SNX30: variants seen among roughly 807,000 people sequenced by gnomAD.
SNX30 encodes sorting nexin-30.
In SNX30, 24 loss-of-function variants were observed where a neutral mutation model predicts 46.4. The ratio of observed to expected loss-of-function variants is 0.52; its 90% CI spans 0.37 to 0.73. The LOEUF (loss-of-function observed/expected upper bound fraction) is 0.73, where lower values mean the gene tolerates loss of function less well. Among genes scored for constraint, SNX30 ranks in the 30% least tolerant of loss-of-function variants. The pLI is 0.00. For missense variants in SNX30, 533 were observed against 555.7 expected (o/e 0.96, Z 0.41); for synonymous variants, 189 against 211.5 (o/e 0.89, Z 0.92).
intron 1 of SNX30, among the ~76,000 whole-genome samples, chr9:112,788,365 C>T (rs572398267): frequency 1.3e-5 from 2 of 152,234 alleles, no homozygotes; most frequent in African/African-American, 4.8e-5. Context: ...GAGTGCACTC[C>T]GCGTGTGTAG....
In SNX30 at chr9:112,807,408, G is replaced by A. The variant is rs1157820861; in HGVS notation, c.348+2441G>A. On this transcript the variant is annotated intron_variant, in intron 2 of 8. Coordinates refer to ENST00000374232, the MANE Select transcript of SNX30 (RefSeq NM_001012994.2). ...GCAGCAGGTTCGCATGTAAAGATAT[G>A]TCTATGTAAGTACGTGTGCACATGC... 2.0e-5 allele frequency among the ~76,000 whole-genome samples: 3 copies of A among 152,202 alleles called. No individual in the cohort carries two copies. The South Asian group carries it at 6.2e-4, about 32-fold the overall frequency.
Position 112,795,540 on chromosome 9 carries a change from T to C in SNX30, c.157-9236T>C, listed in dbSNP as rs572729361. ...GCATAGGAGGGAAGAATCTGGAGTA[T>C]GTGGCAAGGTCTGATTGACTGACTC... On this transcript the variant is annotated intron_variant, in intron 1 of 8. Transcript: ENST00000374232. Among the ~76,000 whole-genome samples the C allele has an allele frequency of 4.6e-5, 7 of 152,210 alleles. No individual in the cohort carries two copies. The South Asian group carries it at 1.5e-3, about 32-fold the overall frequency.
At chr9:112,782,545 C>A (rs191662469) in intron 1 of SNX30, among the ~76,000 whole-genome samples, 76 of 152,250 alleles carry the variant, frequency 5.0e-4, no homozygotes, top group African/African-American at 1.7e-3. Flanking sequence ...ATTTTTTTAA[C>A]CTTTAAATGG....
In SNX30 at chr9:112,767,119, A is replaced by ATTTTC. The variant is rs776895151; in HGVS notation, c.156+15966_156+15967insCTTTT. On this transcript the variant is annotated intron_variant, in intron 1 of 8. Transcript: ENST00000374232. ...CTCCATGTCTTTGCCAACACTAATT[A>ATTTTC]TTTTATTTTTTTTTTTTGATAGTAG... Among the ~76,000 whole-genome samples the ATTTTC allele has an allele frequency of 5.1e-3, 146 of 28,830 alleles. 1 individual carries two copies. Among genetic ancestry groups the ATTTTC allele is most frequent in the African/African-American group, 0.013 (131 of 10,202 alleles). 18.9% of individuals were successfully genotyped at this position (28,830 alleles called of 152,430 possible).
Position 112,789,284 on chromosome 9 carries a change from G to A in SNX30, c.157-15492G>A, listed in dbSNP as rs770609139. On this transcript the variant is annotated intron_variant, in intron 1 of 8. Transcript: ENST00000374232. Reference sequence around the variant, plus strand: ...TAGTTATTGTTAGGAACAGGCTCTCGGAAATGCCTCTCGCCCTTGATTTTT... The same window carrying A: ...TAGTTATTGTTAGGAACAGGCTCTCAGAAATGCCTCTCGCCCTTGATTTTT... 3.9e-5 allele frequency among the ~76,000 whole-genome samples: 6 copies of A among 152,238 alleles called. 1 individual carries two copies. The South Asian group carries it at 6.2e-4, about 16-fold the overall frequency.
intron 1 of SNX30, among the ~76,000 whole-genome samples, chr9:112,771,959 T>C (rs1247555592): frequency 2.0e-5 from 3 of 152,164 alleles, no homozygotes; most frequent in Non-Finnish European, 2.9e-5. Flanking sequence ...CTTGAGACAT[T>C]CTTTTTTTTC....
chr9:112,822,453 G>GT, intron 3 of SNX30, among the ~76,000 whole-genome samples: 1 of 150,706 alleles, frequency 6.6e-6, no homozygotes, highest in Non-Finnish European at 1.5e-5. Flanking sequence ...AGGCTTGTAT[G>GT]TACCCCTGAT....
rs200328275 is a variant in SNX30, at chr9:112,830,910, C to T, written c.618+27C>T. The T allele has an allele frequency of 1.6e-5, 25 of 1,585,922 alleles. No homozygotes were observed. The African/African-American group carries it at 2.5e-4, about 16-fold the overall frequency. On this transcript the variant is annotated intron_variant, in intron 4 of 8. Coordinates refer to ENST00000374232, the MANE Select transcript of SNX30 (RefSeq NM_001012994.2). ...TAAGGGCAGAAATTTACATCCTCTT[C>T]GTCCATATTACCATTCTTGGGGCTC... is the stretch of plus-strand genomic sequence containing the variant.
At chr9:112,834,874 AC>A in intron 4 of SNX30, among the ~76,000 whole-genome samples, 1 of 82,188 alleles carries the variant, frequency 1.2e-5, no homozygotes, top group East Asian at 5.5e-4. Context: ...ACACACACAC[AC>A]ACACACACCT....
At chr9:112,804,160 G>C (rs1332335383) in intron 1 of SNX30, among the ~76,000 whole-genome samples, 2 of 149,126 alleles carry the variant, frequency 1.3e-5, no homozygotes, top group East Asian at 4.0e-4. Context: ...TGGCTCCTCC[G>C]CAGAGGTTTG....
downstream of SNX30, among the ~76,000 whole-genome samples, chr9:112,882,690 G>T (rs1338674081): frequency 1.3e-5 from 2 of 152,014 alleles, no homozygotes; most frequent in African/African-American, 2.4e-5. Flanking sequence ...GATTGGAGGT[G>T]GGGGGAGATG....
intron 1 of SNX30, among the ~76,000 whole-genome samples, chr9:112,777,469 C>T (rs1657580762): frequency 6.6e-6 from 1 of 151,942 alleles, no homozygotes. Context: ...CTCTGTTGCT[C>T]AGGCTGGAGT....
chr9:112,864,420 G>T (rs748915299), intron 8 of SNX30, 21 bp downstream of exon 8: 2 of 1,613,810 alleles, frequency 1.2e-6, no homozygotes, highest in South Asian at 2.2e-5. Flanking sequence ...TGCCCAACAA[G>T]ACTGGTTTCT....
At chr9:112,769,262 A>G (rs1037728816) in intron 1 of SNX30, among the ~76,000 whole-genome samples, 6 of 152,220 alleles carry the variant, frequency 3.9e-5, no homozygotes, top group African/African-American at 1.2e-4. Flanking sequence ...ACATCATTCA[A>G]GACCTCTACA....
intron 3 of SNX30, among the ~76,000 whole-genome samples, chr9:112,828,560 A>C (rs1840612439): frequency 6.6e-6 from 1 of 152,178 alleles, no homozygotes; most frequent in Non-Finnish European, 1.5e-5. Flanking sequence ...TTTAAAACTG[A>C]AACTTAGAGG....
At chr9:112,836,740 A>G (rs555198977) in intron 5 of SNX30, among the ~76,000 whole-genome samples, 7 of 152,348 alleles carry the variant, frequency 4.6e-5, no homozygotes, top group African/African-American at 1.4e-4. Context: ...ATAGGGAACA[A>G]TAATTTAGTA....
chr9:112,865,669 A>ATATATATG (rs1841323873), intron 8 of SNX30, among the ~76,000 whole-genome samples: 1 of 114,664 alleles, frequency 8.7e-6, no homozygotes, highest in Non-Finnish European at 1.8e-5. Flanking sequence ...ATATGTATGT[A>ATATATATG]TGTATGCACA....
chr9:112,788,404 T>A (rs997164756), intron 1 of SNX30, among the ~76,000 whole-genome samples: 1 of 152,140 alleles, frequency 6.6e-6, no homozygotes, highest in African/African-American at 2.4e-5. Flanking sequence ...CACAGAAACA[T>A]GTCAATGAGA....
intron 1 of SNX30, among the ~76,000 whole-genome samples, chr9:112,781,846 T>G (rs1420560408): frequency 2.0e-5 from 3 of 151,808 alleles, no homozygotes; most frequent in African/African-American, 7.3e-5. Context: ...TTTGCCATGT[T>G]GGTCAGGCTG....
Sources: gnomAD v4.1 joint callset for allele counts (sites outside exome capture counted in the v4.1 genomes callset) on GRCh38, gnomAD v4.1.1 for gene constraint, MANE v1.5 for transcripts, NCBI Gene and HGNC (gene_info 2026-07-23, HGNC 2026-07-21) for gene names.